Variants in CAMK4 observed in about 807,000 individuals in gnomAD.
CAMK4 encodes the protein calcium/calmodulin dependent protein kinase IV, also known as calcium/calmodulin-dependent protein kinase type IV.
CAMK4 carries 22 observed loss-of-function variants against 44.9 expected under a neutral mutation model. The observed-to-expected ratio is 0.49, with a 90% confidence interval of 0.35 to 0.70. CAMK4 has a LOEUF of 0.70. Among genes scored for constraint, CAMK4 ranks in the 30% least tolerant of loss-of-function variants. The probability of loss-of-function intolerance (pLI) is 0.01; values close to 1 mark genes in which losing one functional copy is unlikely to be tolerated. For missense variants in CAMK4, 498 were observed against 586.8 expected (o/e 0.85, Z 1.56); for synonymous variants, 218 against 215.4 (o/e 1.01, Z -0.11).
At chr5:111,264,723 T>G (rs1216126939) in intron 1 of CAMK4, among the ~76,000 whole-genome samples, 1 of 152,130 alleles carries the variant, frequency 6.6e-6, no homozygotes, top group Non-Finnish European at 1.5e-5. Flanking sequence ...CCCTCTTCTT[T>G]CATGGCAAGG....
intron 2 of CAMK4, among the ~76,000 whole-genome samples, chr5:111,359,970 C>T (rs1202956793): frequency 6.6e-6 from 1 of 152,066 alleles, no homozygotes; most frequent in Non-Finnish European, 1.5e-5. Context: ...TTATCATCCT[C>T]ATCTTTTAAA....
At chr5:111,315,614 A>C (rs1041892726) in intron 1 of CAMK4, among the ~76,000 whole-genome samples, 1 of 152,138 alleles carries the variant, frequency 6.6e-6, no homozygotes, top group African/African-American at 2.4e-5. Context: ...TTGTATATAA[A>C]GGAACTCTAA....
intron 1 of CAMK4, among the ~76,000 whole-genome samples, chr5:111,318,207 C>G (rs1347167187): frequency 6.6e-6 from 1 of 152,014 alleles, no homozygotes; most frequent in Non-Finnish European, 1.5e-5. Context: ...TAAGTAATAG[C>G]CTGAAAAAGG....
intron 5 of CAMK4, among the ~76,000 whole-genome samples, chr5:111,445,240 A>T (rs901140700): frequency 6.6e-6 from 1 of 152,216 alleles, no homozygotes; most frequent in African/African-American, 2.4e-5. Context: ...ATAATAAAAG[A>T]TGCAAGAATT....
chr5:111,383,536 T>C (rs1387315054), intron 4 of CAMK4, among the ~76,000 whole-genome samples: 1 of 152,124 alleles, frequency 6.6e-6, no homozygotes, highest in East Asian at 1.9e-4. Context: ...TCAGTTCCCC[T>C]TGCCCTTTGA....
At chr5:111,299,345 G>T (rs1185483150) in intron 1 of CAMK4, among the ~76,000 whole-genome samples, 1 of 152,156 alleles carries the variant, frequency 6.6e-6, no homozygotes, top group Non-Finnish European at 1.5e-5. Context: ...GTACATAACG[G>T]CTTGTGTCCA....
intron 5 of CAMK4, among the ~76,000 whole-genome samples, chr5:111,399,530 G>A (rs116896869): frequency 1.3e-4 from 20 of 152,046 alleles, no homozygotes; most frequent in East Asian, 7.7e-4. Flanking sequence ...TATTCCCAGC[G>A]TCCAAAACAG....
intron 7 of CAMK4, among the ~76,000 whole-genome samples, chr5:111,457,398 G>A (rs1754457472): frequency 6.6e-6 from 1 of 152,160 alleles, no homozygotes. Flanking sequence ...ACCATTGAAA[G>A]TATTTCTTAA....
Position 111,349,136 on chromosome 5 carries a change from A to C in CAMK4, c.240+5034A>C, listed in dbSNP as rs7731494. 5.0e-3 allele frequency among the ~76,000 whole-genome samples: 757 copies of C among 152,076 alleles called. 5 individuals are homozygous for C. Among genetic ancestry groups the C allele is most frequent in the African/African-American group, 0.017 (703 of 41,548 alleles). On this transcript the variant is annotated intron_variant, in intron 2 of 10. Coordinates refer to ENST00000282356, the MANE Select transcript of CAMK4 (RefSeq NM_001744.6). ...TCCACTTAGTATTAGTGATTCTTGT[A>C]CTGAAGAAGTCATCAATTCCCTAGA...
chr5:111,473,165 C>T, intron 7 of CAMK4, 146 bp from the exon 8 acceptor site: 1 of 679,304 alleles, frequency 1.5e-6, no homozygotes, highest in Non-Finnish European at 2.6e-6. Context: ...GTATTTATAG[C>T]TTCATACTGT....
chr5:111,437,565 A>G (rs1032270636), intron 5 of CAMK4, among the ~76,000 whole-genome samples: 3 of 152,206 alleles, frequency 2.0e-5, no homozygotes, highest in African/African-American at 7.2e-5. Context: ...GGCAGCATCA[A>G]TGAGAGGATA....
chr5:111,458,569 C>T (rs1580780898), intron 7 of CAMK4, among the ~76,000 whole-genome samples: 2 of 88,720 alleles, frequency 2.3e-5, no homozygotes, highest in South Asian at 3.5e-4. Flanking sequence ...TACTGTAATA[C>T]ATTTTAGTGG....
At chr5:111,281,029 GGTCAC>G (rs1237493951) in intron 1 of CAMK4, among the ~76,000 whole-genome samples, 1 of 152,184 alleles carries the variant, frequency 6.6e-6, no homozygotes, top group Admixed American at 6.5e-5. Context: ...GAGAAAGGAA[GGTCAC>G]GGCAATATTT....
intron 5 of CAMK4, among the ~76,000 whole-genome samples, chr5:111,400,149 A>G (rs1752170794): frequency 6.6e-6 from 1 of 151,764 alleles, no homozygotes; most frequent in South Asian, 2.1e-4. Context: ...TTTTGTCACT[A>G]AGTTCCAGTT....
chr5:111,368,572 A>G (rs1313360376), intron 2 of CAMK4, among the ~76,000 whole-genome samples: 3 of 152,132 alleles, frequency 2.0e-5, no homozygotes, highest in African/African-American at 7.2e-5. Context: ...TCCAAAAAGC[A>G]ACAGGTGACC....
At chr5:111,225,801 A>T (rs1748161196) in intron 1 of CAMK4, among the ~76,000 whole-genome samples, 1 of 152,240 alleles carries the variant, frequency 6.6e-6, no homozygotes, top group African/African-American at 2.4e-5. Context: ...GATGTGTAAA[A>T]TAGGCAAACT....
intron 1 of CAMK4, among the ~76,000 whole-genome samples, chr5:111,273,319 A>G (rs1233605048): frequency 6.6e-6 from 1 of 151,986 alleles, no homozygotes. Flanking sequence ...GCACATACAC[A>G]CACATTCACA....
intron 1 of CAMK4, among the ~76,000 whole-genome samples, chr5:111,244,810 G>A (rs1247914897): frequency 6.6e-6 from 1 of 152,078 alleles, no homozygotes; most frequent in Non-Finnish European, 1.5e-5. Context: ...GCAGTTAGCC[G>A]AGATCGCACC....
intron 5 of CAMK4, among the ~76,000 whole-genome samples, chr5:111,408,242 C>T (rs1358845876): frequency 1.3e-5 from 2 of 152,152 alleles, no homozygotes; most frequent in African/African-American, 4.8e-5. Context: ...AGTCTGTTCT[C>T]ATGCTGCTAA....
Sources: allele counts gnomAD v4.1 joint callset (sites outside exome capture counted in the v4.1 genomes callset), GRCh38; gene constraint gnomAD v4.1.1; transcripts MANE v1.5; gene names NCBI Gene and HGNC (gene_info 2026-07-23, HGNC 2026-07-21).